Variants in ENOSF1 observed in about 807,000 individuals in gnomAD.
The protein encoded by ENOSF1 is mitochondrial enolase superfamily member 1.
In ENOSF1, 73 loss-of-function variants were observed where a neutral mutation model predicts 68.2. That is an observed-to-expected ratio of 1.07 (90% confidence interval 0.89 to 1.30). The LOEUF (loss-of-function observed/expected upper bound fraction) is 1.30, where lower values mean the gene tolerates loss of function less well. ENOSF1 is among the 50% of genes most tolerant of loss of function. The probability of loss-of-function intolerance (pLI) is 0.00; values close to 1 mark genes in which losing one functional copy is unlikely to be tolerated. For synonymous variants in ENOSF1, 223 were observed against 210.4 expected, an observed-to-expected ratio of 1.06 and a Z score of -0.52; for missense variants, 589 against 554.5, an observed-to-expected ratio of 1.06 and a Z score of -0.62.
downstream of ENOSF1, among the ~76,000 whole-genome samples, chr18:666,998 GA>G (rs1318360090): frequency 9.5e-4 from 6 of 6,348 alleles, 1 homozygote; most frequent in Admixed American, 1.6e-3. Context: ...GATGGTGATG[GA>G]GATGGTGATG....
intron 10 of ENOSF1, among the ~76,000 whole-genome samples, chr18:684,055 G>A (rs1468716829): frequency 2.0e-5 from 3 of 151,076 alleles, no homozygotes; most frequent in African/African-American, 7.3e-5. Context: ...GTGCAGTGGC[G>A]CTATCTCGGC....
intron 15 of ENOSF1, 25 bp from the exon 16 acceptor site, chr18:674,431 C>G (rs200115643): frequency 6.7e-7 from 1 of 1,484,718 alleles, no homozygotes; most frequent in Non-Finnish European, 9.3e-7. Context: ...AAAAATGAGT[C>G]CTGTTAACAA....
At chr18:674,448 G>T in intron 15 of ENOSF1, 42 bp from the exon 16 acceptor site, 1 of 1,273,366 alleles carries the variant, frequency 7.9e-7, no homozygotes, top group East Asian at 2.4e-5. Flanking sequence ...ACAACCACCT[G>T]GAACAAAAAC....
chr18:677,633 C>A, intron 13 of ENOSF1, 110 bp downstream of exon 13: 1 of 1,440,014 alleles, frequency 6.9e-7, no homozygotes, highest in South Asian at 1.4e-5. Context: ...AGAAAAAAAT[C>A]GAAATGGCAA....
downstream of ENOSF1, chr18:669,048 C>A (rs374649527): frequency 2.1e-5 from 33 of 1,583,954 alleles, no homozygotes; most frequent in Non-Finnish European, 2.8e-5. Flanking sequence ...ATGTACCTGT[C>A]CTCTCTTTTT....
chr18:695,950 C>T (rs1355176318), intron 3 of ENOSF1, among the ~76,000 whole-genome samples: 1 of 152,024 alleles, frequency 6.6e-6, no homozygotes, highest in Admixed American at 6.6e-5. Flanking sequence ...TCTCTTGTGC[C>T]CTTCTCAGTG....
intron 2 of ENOSF1, among the ~76,000 whole-genome samples, chr18:703,333 G>T (rs889776187): frequency 5.9e-5 from 9 of 152,156 alleles, no homozygotes; most frequent in African/African-American, 2.2e-4. Context: ...GTGTGCCCAA[G>T]TCAGCAAAGT....
chr18:701,404 G>C (rs1472436152), intron 2 of ENOSF1, among the ~76,000 whole-genome samples: 2 of 151,272 alleles, frequency 1.3e-5, no homozygotes, highest in East Asian at 3.9e-4. Flanking sequence ...GGAAATCTTT[G>C]TAACTTCCAT....
At chr18:702,264 C>CAAAA (rs71174275) in intron 2 of ENOSF1, among the ~76,000 whole-genome samples, 22 of 65,764 alleles carry the variant, frequency 3.3e-4, no homozygotes, top group Non-Finnish European at 4.5e-4. Context: ...AACTACATCT[C>CAAAA]AAAAAAAAAA....
At chr18:698,176 G>GTT (rs2077945893) in intron 2 of ENOSF1, among the ~76,000 whole-genome samples, 1 of 152,192 alleles carries the variant, frequency 6.6e-6, no homozygotes, top group Admixed American at 6.5e-5. Context: ...AACTTCCTGA[G>GTT]TAGAGAACAC....
Position 697,276 on chromosome 18 carries a change from GA to G in ENOSF1, c.272del (p.Phe91SerfsTer29), listed in dbSNP as rs1175924914. On this transcript the variant is annotated frameshift_variant, in exon 3 of 16. Transcript: ENST00000647584. LOFTEE classifies it high-confidence loss of function. ...GCCCATCACTTGTGAGCTGCCTATAGAAGCCTCTGAAGTCACCAACAATGTC... is the reference window on the plus strand; with the variant it reads ...GCCCATCACTTGTGAGCTGCCTATAGAGCCTCTGAAGTCACCAACAATGTC... Reference protein sequence around the residue: ...LKDIVGDFRGFYRQLTSDGQL... With the variant: ...LKDIVGDFRGXYRQLTSDGQL... 1.2e-6 allele frequency: 2 copies of G among 1,613,926 alleles called. No individual in the cohort carries two copies. The highest frequency in any genetic ancestry group is 1.7e-6 in the Non-Finnish European group (2 of 1,179,912).
Position 706,516 on chromosome 18 carries a change from G to T in ENOSF1, c.147C>A (p.Ile49=). 1 of 1,613,870 alleles carries T rather than the reference G, an allele frequency of 6.2e-7. No homozygotes were observed. Among genetic ancestry groups the T allele is most frequent in the Non-Finnish European group, 8.5e-7 (1 of 1,179,920 alleles). The stretch of plus-strand genomic sequence containing the variant: ...GAGTGAAGGTAATTCCACACCCCTT[G>T]ATTCCATCTTCTGCATCAGTTTCTA... ...VVIETDAEDG[I]KGCGITFTLG... is the part of the protein sequence containing the mutation. The change falls in exon 2 of 16, where the codon ATC becomes ATA. Residue 49 remains isoleucine, a synonymous_variant. Coordinates refer to ENST00000647584, the MANE Select transcript of ENOSF1 (RefSeq NM_017512.7).
chr18:706,410 A>G, intron 2 of ENOSF1, 60 bp downstream of exon 2: 1 of 1,099,880 alleles, frequency 9.1e-7, no homozygotes, highest in Non-Finnish European at 1.4e-6. Flanking sequence ...CTAAGAATCT[A>G]AATTAGAATC....
chr18:676,077 G>A (rs2075483778), intron 14 of ENOSF1, among the ~76,000 whole-genome samples: 1 of 152,162 alleles, frequency 6.6e-6, no homozygotes, highest in African/African-American at 2.4e-5. Flanking sequence ...CACCAAATGA[G>A]GTTCCTTTCA....
intron 15 of ENOSF1, 131 bp from the exon 16 acceptor site, chr18:674,537 G>C: frequency 1.9e-6 from 1 of 536,510 alleles, no homozygotes. Flanking sequence ...TTTTTTTTTT[G>C]ACATGGAGTC....
rs372570977 is a variant in ENOSF1, at chr18:697,123, TAAATAAATAAAC to T, written c.309+105_309+116del. On this transcript the variant is annotated intron_variant, in intron 3 of 15. Transcript: ENST00000647584. ...CAGAGTGAGACTCCATCTCAAAAAATAAATAAATAAACAAATAAATAAACCCATCTCTATTTT... is the reference window on the plus strand; with the variant it reads ...CAGAGTGAGACTCCATCTCAAAAAATAAATAAATAAACCCATCTCTATTTT... The T allele has an allele frequency of 1.9e-3, 1,533 of 806,068 alleles. 11 individuals carry two copies. The African/African-American group carries it at 0.023, about 12-fold the overall frequency. The allele number at this position is 806,068 out of a possible 1,614,324, so 49.9% of individuals were successfully genotyped here.
At chr18:692,928 CTTTG>C (rs1568086711) in intron 5 of ENOSF1, 2 of 1,176,174 alleles carry the variant, frequency 1.7e-6, no homozygotes, top group Non-Finnish European at 2.1e-6. Context: ...CCATGGTGTT[CTTTG>C]TTTTTCCTTA....
chr18:677,580 T>C lies in ENOSF1; in HGVS notation c.1049-136A>G, dbSNP rs1260802706. The C allele has an allele frequency of 1.1e-5, 14 of 1,291,022 alleles. No homozygotes were observed. The East Asian group carries it at 3.1e-4, about 28-fold the overall frequency. The allele number at this position is 1,291,022 out of a possible 1,614,324, so 80.0% of individuals were successfully genotyped here. A position where few individuals can be genotyped will look rare whatever the true frequency, so the allele number is the denominator to read the frequency against. ...AATATTTAGGAAGGAAATTCCAAGA[T>C]GAAAATCATCAAAAATTCCCGGATT... On this transcript the variant is annotated intron_variant, in intron 13 of 15. Coordinates refer to ENST00000647584, the MANE Select transcript of ENOSF1 (RefSeq NM_017512.7).
chr18:673,488 T>C lies in ENOSF1; in HGVS notation c.*817A>G, dbSNP rs2075168813. On this transcript the variant is annotated 3_prime_UTR_variant, in exon 16 of 16. Coordinates refer to ENST00000647584, the MANE Select transcript of ENOSF1 (RefSeq NM_017512.7). ...ATATGTTGCTATAATAAAGAAGTGT[T>C]CTGCATTCGTCCACGCTTTGTTCAT... 1 of 207,588 alleles carries C rather than the reference T, an allele frequency of 4.8e-6. No individual in the cohort carries two copies. The highest frequency in any genetic ancestry group is 2.3e-5 in the African/African-American group (1 of 43,786). 12.9% of individuals were successfully genotyped at this position (207,588 alleles called of 1,614,324 possible).
Sources: gnomAD v4.1 joint callset for allele counts (sites outside exome capture counted in the v4.1 genomes callset) on GRCh38, gnomAD v4.1.1 for gene constraint, MANE v1.5 for transcripts, NCBI Gene and HGNC (gene_info 2026-07-23, HGNC 2026-07-21) for gene names.